The following ZNF730 variants were observed in gnomAD, a reference collection of about 807,000 sequenced individuals.
ZNF730 encodes zinc finger protein 730.
ZNF730 carries 12 observed loss-of-function variants against 12.6 expected under a neutral mutation model. The observed-to-expected ratio is 0.95, with a 90% CI of 0.61 to 1.54. The LOEUF is 1.54. Ranked by LOEUF, ZNF730 falls within the 40% of genes most tolerant of loss-of-function variation. The pLI is 0.00. For missense variants in ZNF730, 643 were observed against 583.5 expected, an observed-to-expected ratio of 1.10 and a Z score of -1.05; for synonymous variants, 194 against 195.8, an observed-to-expected ratio of 0.99 and a Z score of 0.08.
rs1364270633 is a variant in ZNF730 at position 23,117,154 on chromosome 19, G to A, written c.-20G>A. The A allele has an allele frequency of 6.2e-7, 1 of 1,613,758 alleles. No homozygotes were observed. Among genetic ancestry groups the A allele is most frequent in the African/African-American group, 1.3e-5 (1 of 74,934 alleles). On this transcript the variant is annotated 5_prime_UTR_variant, in exon 1 of 4. Transcript: ENST00000597761. ...GGGAGATCCACAGCTAAGACGCCAG[G>A]GCCCCCTGGAAGCCTAGAAATGGTG...
At chr19:23,116,364 CTCTTTTCTTTCTT>C (rs373234565), upstream of ZNF730, among the ~76,000 whole-genome samples, 1,342 of 131,942 alleles carry the variant, frequency 0.01, 28 homozygotes, top group African/African-American at 0.037. Flanking sequence ...TTTTCTTTCT[CTCTTTTCTTTCTT>C]TCTTTTTCTC....
chr19:23,111,589 A>T (rs557212612), intron 1 of ZNF730, among the ~76,000 whole-genome samples: 13 of 152,130 alleles, frequency 8.5e-5, no homozygotes, highest in Admixed American at 7.2e-4. Context: ...TCTACTAAAA[A>T]TTACAAAAAA....
At chr19:23,081,296 C>T (rs1213367446) in intron 1 of ZNF730, among the ~76,000 whole-genome samples, 2 of 151,828 alleles carry the variant, frequency 1.3e-5, no homozygotes, top group African/African-American at 4.8e-5. Flanking sequence ...AGGCATTTGC[C>T]ACCACTCCCA....
chr19:23,111,402 A>G (rs765675281), intron 1 of ZNF730, among the ~76,000 whole-genome samples: 1 of 152,202 alleles, frequency 6.6e-6, no homozygotes. Context: ...GTTTTCTCAT[A>G]TCTTCAGTGA....
At chr19:23,094,478 CATTT>C (rs149200028) in intron 1 of ZNF730, among the ~76,000 whole-genome samples, 2 of 151,022 alleles carry the variant, frequency 1.3e-5, no homozygotes, top group African/African-American at 2.4e-5. Flanking sequence ...AATAAGTTTT[CATTT>C]ATTTATTTAT....
At chr19:23,115,602 A>G (rs1298339471), upstream of ZNF730, among the ~76,000 whole-genome samples, 1 of 152,126 alleles carries the variant, frequency 6.6e-6, no homozygotes, top group Non-Finnish European at 1.5e-5. Context: ...CCATGAACAA[A>G]GCACATGTTA....
upstream of ZNF730, among the ~76,000 whole-genome samples, chr19:23,116,096 C>T (rs1012548112): frequency 3.3e-5 from 5 of 152,334 alleles, no homozygotes; most frequent in Middle Eastern, 6.8e-3. Flanking sequence ...AAACTACATC[C>T]TGACACTTAG....
At chr19:23,122,443 GT>G (rs1288707097) in intron 1 of ZNF730, among the ~76,000 whole-genome samples, 1 of 151,956 alleles carries the variant, frequency 6.6e-6, no homozygotes, top group Non-Finnish European at 1.5e-5. Flanking sequence ...ACATCGGGCC[GT>G]TTAAAGCTTA....
intron 1 of ZNF730, among the ~76,000 whole-genome samples, chr19:23,131,436 T>C (rs1255695998): frequency 2.0e-5 from 3 of 152,380 alleles, no homozygotes; most frequent in Admixed American, 1.3e-4. Context: ...CATTACTGCA[T>C]GTGTATATGT....
intron 1 of ZNF730, among the ~76,000 whole-genome samples, chr19:23,083,831 G>A (rs1437727356): frequency 6.6e-6 from 1 of 151,930 alleles, no homozygotes; most frequent in Non-Finnish European, 1.5e-5. Context: ...CTTGTCATAT[G>A]TATAGTTTGT....
intron 3 of ZNF730, among the ~76,000 whole-genome samples, chr19:23,137,240 T>TA (rs1284200284): frequency 6.6e-6 from 1 of 152,226 alleles, no homozygotes; most frequent in Non-Finnish European, 1.5e-5. Context: ...AAAATATTTT[T>TA]AAATTTATTT....
chr19:23,132,550 C>CT (rs1970757594), intron 1 of ZNF730, among the ~76,000 whole-genome samples: 1 of 150,134 alleles, frequency 6.7e-6, no homozygotes, highest in Non-Finnish European at 1.5e-5. Context: ...TTCTTATATG[C>CT]CATGATTCTC....
At chr19:23,132,765 CATTT>C (rs1281558000) in intron 1 of ZNF730, among the ~76,000 whole-genome samples, 1 of 152,092 alleles carries the variant, frequency 6.6e-6, no homozygotes, top group Admixed American at 6.6e-5. Flanking sequence ...AACAGGGTGG[CATTT>C]ATTACCCAGT....
upstream of ZNF730, among the ~76,000 whole-genome samples, chr19:23,115,405 T>G (rs1970506793): frequency 6.6e-6 from 1 of 152,222 alleles, no homozygotes; most frequent in Non-Finnish European, 1.5e-5. Flanking sequence ...CCCTCCTATA[T>G]CCTTTGCCAC....
chr19:23,103,344 G>A (rs987117507), intron 1 of ZNF730, among the ~76,000 whole-genome samples: 1 of 152,168 alleles, frequency 6.6e-6, no homozygotes, highest in Non-Finnish European at 1.5e-5. Flanking sequence ...TGGTTTTTCT[G>A]TAAATAAAAA....
At chr19:23,115,418 G>T (rs775780140), upstream of ZNF730, among the ~76,000 whole-genome samples, 1 of 152,142 alleles carries the variant, frequency 6.6e-6, no homozygotes, top group Admixed American at 6.5e-5. Context: ...TTTGCCACGT[G>T]CTTTTTTACA....
Position 23,117,045 on chromosome 19 carries a change from C to A in ZNF730, c.-129C>A, listed in dbSNP as rs536005138. ...GCGCGGCCTTTGTTTCTCGCTGCCG[C>A]CGAAGCTCCAATTTTCGTCTGTCTG... is the stretch of plus-strand genomic sequence containing the variant. On this transcript the variant is annotated 5_prime_UTR_variant, in exon 1 of 4. Transcript: ENST00000597761. 1 of 1,376,948 alleles carries A rather than the reference C, an allele frequency of 7.3e-7. No homozygotes were observed. Among genetic ancestry groups the A allele is most frequent in the South Asian group, 1.6e-5 (1 of 62,654 alleles). 85.3% of individuals were successfully genotyped at this position (1,376,948 alleles called of 1,614,324 possible).
intron 1 of ZNF730, chr19:23,127,239 A>G: frequency 3.1e-6 from 2 of 641,772 alleles, no homozygotes; most frequent in East Asian, 3.1e-5. Context: ...TTTTAAAGAA[A>G]TCTTCAAGTT....
At chr19:23,116,299 T>TTTTTCTTTTTTCTTTTCTTTTC (rs1172687600), upstream of ZNF730, among the ~76,000 whole-genome samples, 12 of 149,184 alleles carry the variant, frequency 8.0e-5, no homozygotes, top group African/African-American at 2.7e-4. Context: ...GTTATTCTGC[T>TTTTTCTTTTTTCTTTTCTTTTC]TTTTCTTTTC....
Sources: allele counts gnomAD v4.1 joint callset (sites outside exome capture counted in the v4.1 genomes callset), GRCh38; gene constraint gnomAD v4.1.1; transcripts MANE v1.5; gene names NCBI Gene and HGNC (gene_info 2026-07-23, HGNC 2026-07-21).